Variants in KDM3B observed in about 807,000 individuals in gnomAD.
KDM3B encodes lysine demethylase 3B.
Under a neutral mutation model 170.0 loss-of-function variants are expected in KDM3B, and 10 were observed. The ratio of observed to expected loss-of-function variants is 0.06; its 90% CI spans 0.04 to 0.10. KDM3B has a LOEUF of 0.10. Among genes scored for constraint, KDM3B ranks in the 10% least tolerant of loss-of-function variants. The pLI, the probability that KDM3B is intolerant of heterozygous loss-of-function variation, is 1.00. For synonymous variants in KDM3B, 831 were observed against 834.8 expected (o/e 1.00, Z 0.08); for missense variants, 1,394 against 2,195.2 (o/e 0.64, Z 7.29).
chr5:138,403,785 G>C (rs1762748736), intron 11 of KDM3B, among the ~76,000 whole-genome samples: 1 of 149,794 alleles, frequency 6.7e-6, no homozygotes, highest in South Asian at 2.1e-4. Context: ...TTAAGCCGAG[G>C]AGTTCAATTC....
At chr5:138,415,580 G>A (rs1763081861) in intron 12 of KDM3B, among the ~76,000 whole-genome samples, 1 of 151,490 alleles carries the variant, frequency 6.6e-6, no homozygotes, top group Non-Finnish European at 1.5e-5. Flanking sequence ...TAGGACTACA[G>A]GCATGCACCA....
intron 1 of KDM3B, among the ~76,000 whole-genome samples, chr5:138,371,958 A>G (rs1761885273): frequency 6.6e-6 from 1 of 152,154 alleles, no homozygotes; most frequent in South Asian, 2.1e-4. Flanking sequence ...GCGTCTCTAC[A>G]AAAAATAAGC....
chr5:138,352,733 G>A lies in KDM3B; in HGVS notation c.-63G>A, dbSNP rs1761357403. On this transcript the variant is annotated 5_prime_UTR_variant, in exon 1 of 24. Transcript: ENST00000314358. ...GAGGGAGGCCTTGCGGGCGGATCGG[G>A]CGCTTGGCGGCGGAGGTGGTGGGAG... The A allele has an allele frequency of 1.7e-6, 2 of 1,173,656 alleles. No individual in the cohort carries two copies. Among genetic ancestry groups the A allele is most frequent in the Non-Finnish European group, 2.1e-6 (2 of 949,538 alleles). The allele number at this position is 1,173,656 out of a possible 1,614,324, so 72.7% of individuals were successfully genotyped here.
intron 3 of KDM3B, 50 bp from the exon 4 acceptor site, chr5:138,377,669 GT>G (rs1561764363): frequency 7.8e-7 from 1 of 1,289,408 alleles, no homozygotes; most frequent in African/African-American, 1.5e-5. Flanking sequence ...CTGATTAGAT[GT>G]TTGCTATTCA....
At chr5:138,387,878 A>T (rs181791270) in intron 7 of KDM3B, among the ~76,000 whole-genome samples, 1 of 151,712 alleles carries the variant, frequency 6.6e-6, no homozygotes, top group Non-Finnish European at 1.5e-5. Flanking sequence ...TCAGGAGATC[A>T]AGACCATCCT....
At chr5:138,416,755 G>A (rs1763117291) in intron 12 of KDM3B, among the ~76,000 whole-genome samples, 1 of 151,970 alleles carries the variant, frequency 6.6e-6, no homozygotes, top group Non-Finnish European at 1.5e-5. Flanking sequence ...GCCATATAAA[G>A]TTTACATTGA....
Position 138,435,950 on chromosome 5 carries a change from T to C in KDM3B, c.*250T>C, listed in dbSNP as rs938440847. 1.4e-5 allele frequency: 6 copies of C among 429,400 alleles called. No homozygotes were observed. In the East Asian group the frequency reaches 2.4e-4, roughly 17 times the overall value. The allele number at this position is 429,400 out of a possible 1,614,324, so 26.6% of individuals were successfully genotyped here. ...GCCACATCCCTATCCTGTGGCCTTT[T>C]GGAAATCCAAATTGCCTGAACATGG... On this transcript the variant is annotated 3_prime_UTR_variant, in exon 24 of 24. Coordinates refer to ENST00000314358, the MANE Select transcript of KDM3B (RefSeq NM_016604.4).
Position 138,352,981 on chromosome 5 carries a change from C to A in KDM3B, c.186C>A (p.Asp62Glu). The change falls in exon 1 of 24, where the codon GAC becomes GAA. Residue 62 changes from aspartate to glutamate, a missense_variant. This residue lies in a region of KDM3B where 99 missense variants were observed against 97.5 expected (regional missense o/e 1.02). Coordinates refer to ENST00000314358, the MANE Select transcript of KDM3B (RefSeq NM_016604.4). Reference sequence around the variant, plus strand: ...CCATGAGCGGGGCGGTGCCCCAGGACCTAGCGGTGAGTGGCGGCCGAGTCG... The same window carrying A: ...CCATGAGCGGGGCGGTGCCCCAGGAACTAGCGGTGAGTGGCGGCCGAGTCG... ...VRAMSGAVPQ[D>E]LAIFVEFDGC... 1 of 1,233,260 alleles carries A rather than the reference C, an allele frequency of 8.1e-7. No homozygotes were observed. 76.4% of individuals were successfully genotyped at this position (1,233,260 alleles called of 1,614,324 possible).
chr5:138,414,026 T>G (rs1009673935), intron 11 of KDM3B, among the ~76,000 whole-genome samples: 18 of 152,192 alleles, frequency 1.2e-4, no homozygotes, highest in Non-Finnish European at 4.4e-5. Flanking sequence ...GGAATACTAC[T>G]CAGCTATACA....
intron 1 of KDM3B, among the ~76,000 whole-genome samples, chr5:138,371,559 T>C (rs545766733): frequency 6.6e-6 from 1 of 152,156 alleles, no homozygotes; most frequent in African/African-American, 2.4e-5. Context: ...CAGTGCCTAC[T>C]TAAGTATATT....
At chr5:138,428,940 C>CTTTTTTTTTT (rs397884825) in intron 20 of KDM3B, among the ~76,000 whole-genome samples, 1 of 101,232 alleles carries the variant, frequency 9.9e-6, no homozygotes, top group Admixed American at 1.1e-4. Context: ...GGGATAATTT[C>CTTTTTTTTTT]TTTTTTTTTT....
chr5:138,378,865 C>A (rs1186331649), intron 4 of KDM3B, among the ~76,000 whole-genome samples: 1 of 150,698 alleles, frequency 6.6e-6, no homozygotes, highest in Non-Finnish European at 1.5e-5. Context: ...TTAATTTTAG[C>A]TCTGATAGAG....
At chr5:138,358,675 G>A (rs1335972870) in intron 1 of KDM3B, among the ~76,000 whole-genome samples, 1 of 151,682 alleles carries the variant, frequency 6.6e-6, no homozygotes, top group Non-Finnish European at 1.5e-5. Flanking sequence ...GCTCACTGCA[G>A]CCTCAAATTC....
At position 138,383,529 on chromosome 5, in the gene KDM3B, T is replaced by A. The variant is rs575050377; in HGVS notation, c.780+1939T>A. On this transcript the variant is annotated intron_variant, in intron 6 of 23. Coordinates refer to ENST00000314358, the MANE Select transcript of KDM3B (RefSeq NM_016604.4). ...TTTCTTTGCTAGCAGAGTCCAATTA[T>A]TTTTTATAGTTCTGCCAAGTTTTAT... is the stretch of plus-strand genomic sequence containing the variant. 7.6e-4 allele frequency among the ~76,000 whole-genome samples: 116 copies of A among 152,298 alleles called. 1 individual carries two copies. The South Asian group carries it at 0.023, about 30-fold the overall frequency.
rs1259746996 is a variant in KDM3B at position 138,353,005 on chromosome 5, C to T, written c.192+18C>T. 9.3e-7 allele frequency: 1 copy of T among 1,075,706 alleles called. No homozygotes were observed. The highest frequency in any genetic ancestry group is 1.1e-6 in the Non-Finnish European group (1 of 892,206). 66.6% of individuals were successfully genotyped at this position (1,075,706 alleles called of 1,614,324 possible). ...ACCTAGCGGTGAGTGGCGGCCGAGT[C>T]GGGCACTCGAGGCCGGGGCTGCGGG... On this transcript the variant is annotated intron_variant, in intron 1 of 23. Coordinates refer to ENST00000314358, the MANE Select transcript of KDM3B (RefSeq NM_016604.4).
intron 11 of KDM3B, among the ~76,000 whole-genome samples, chr5:138,411,554 C>CTT (rs1317623777): frequency 6.6e-6 from 1 of 152,036 alleles, no homozygotes; most frequent in African/African-American, 2.4e-5. Flanking sequence ...AATACTAACT[C>CTT]TAAGTGGACC....
chr5:138,415,023 T>C (rs1763067065), intron 11 of KDM3B, 109 bp from the exon 12 acceptor site: 7 of 579,366 alleles, frequency 1.2e-5, no homozygotes, highest in Non-Finnish European at 2.2e-5. Context: ...TTAGCTGTTA[T>C]CTCCTTCAGC....
At chr5:138,365,863 G>C (rs1031180327) in intron 1 of KDM3B, among the ~76,000 whole-genome samples, 1 of 151,982 alleles carries the variant, frequency 6.6e-6, no homozygotes, top group South Asian at 2.1e-4. Flanking sequence ...GCCGGGCGTG[G>C]TGGTGCTTGC....
intron 7 of KDM3B, among the ~76,000 whole-genome samples, chr5:138,389,669 A>G (rs1294422584): frequency 6.6e-6 from 1 of 152,096 alleles, no homozygotes; most frequent in African/African-American, 2.4e-5. Flanking sequence ...CTACTACTTG[A>G]AAGTAATCTA....
Sources: allele counts gnomAD v4.1 joint callset (sites outside exome capture counted in the v4.1 genomes callset), GRCh38; gene constraint gnomAD v4.1.1; regional missense constraint gnomAD v4.1.1; transcripts MANE v1.5; gene names NCBI Gene and HGNC (gene_info 2026-07-23, HGNC 2026-07-21).